Variants in FAAH2 observed in about 807,000 individuals in gnomAD.
FAAH2 encodes fatty acid amide hydrolase 2, also known as fatty-acid amide hydrolase 2.
In FAAH2, 60 loss-of-function variants were observed where a neutral mutation model predicts 36.9. The ratio of observed to expected loss-of-function variants is 1.63; its 90% CI spans 1.32 to 2.02. FAAH2 has a LOEUF of 2.02. FAAH2 is among the 30% of genes most tolerant of loss of function. The pLI is 0.00. For missense variants in FAAH2, 689 were observed against 397.5 expected, an observed-to-expected ratio of 1.73 and a Z score of -6.23; for synonymous variants, 214 against 143.8, an observed-to-expected ratio of 1.49 and a Z score of -3.49.
the FAAH2 span, among the ~76,000 whole-genome samples, chrX:57,250,378 G>A: frequency 0.37 from 40,305 of 110,345 alleles, 6,310 homozygotes; most frequent in Middle Eastern, 0.62. Context: ...ATTTAACCAA[G>A]GAGGTGAAAC....
intron 10 of FAAH2, among the ~76,000 whole-genome samples, chrX:57,457,343 A>T (rs2056879720): frequency 9.0e-6 from 1 of 111,497 alleles, no homozygotes; most frequent in African/African-American, 3.3e-5. Context: ...AGCCAACGTA[A>T]TACTGAATGA....
chrX:57,136,943 A>G, the FAAH2 span: 1 of 841,927 alleles, frequency 1.2e-6, no homozygotes, highest in Admixed American at 4.7e-5. Context: ...CTTGACCAGC[A>G]CCCACTACCC....
intron 3 of FAAH2, among the ~76,000 whole-genome samples, chrX:57,323,821 C>T (rs936818975): frequency 2.8e-5 from 3 of 108,981 alleles, no homozygotes; most frequent in Non-Finnish European, 5.7e-5. Context: ...GTTTCTTTTG[C>T]TGTGCAGAAG....
chrX:57,219,908 A>G, the FAAH2 span, among the ~76,000 whole-genome samples: 1 of 95,978 alleles, frequency 1.0e-5, no homozygotes, highest in African/African-American at 4.3e-5. Context: ...TCTGGCCACA[A>G]TATGAATTAA....
the FAAH2 span, chrX:57,137,343 G>A: frequency 6.6e-6 from 5 of 758,090 alleles, no homozygotes; most frequent in South Asian, 2.6e-4. Context: ...GAGCGGGGAG[G>A]GTAGGATCCA....
At chrX:57,259,959 A>G in the FAAH2 span, among the ~76,000 whole-genome samples, 3 of 111,851 alleles carry the variant, frequency 2.7e-5, no homozygotes, top group Non-Finnish European at 5.6e-5. Context: ...GAAATATCAC[A>G]CTTAAAATCT....
At chrX:57,211,612 G>A in the FAAH2 span, among the ~76,000 whole-genome samples, 3 of 111,752 alleles carry the variant, frequency 2.7e-5, no homozygotes, top group Non-Finnish European at 5.6e-5. Flanking sequence ...CCTACTGGCT[G>A]GGAGGTCAAC....
At chrX:57,259,881 A>G in the FAAH2 span, among the ~76,000 whole-genome samples, 1 of 111,947 alleles carries the variant, frequency 8.9e-6, no homozygotes, top group Non-Finnish European at 1.9e-5. Flanking sequence ...CTGTAGGACA[A>G]TCTTCCTTTC....
intron 7 of FAAH2, among the ~76,000 whole-genome samples, chrX:57,421,845 A>G (rs1013695706): frequency 8.9e-6 from 1 of 111,812 alleles, no homozygotes; most frequent in Non-Finnish European, 1.9e-5. Context: ...GAAATAAAGC[A>G]ATGTTTTCCC....
At chrX:57,215,315 A>G in the FAAH2 span, among the ~76,000 whole-genome samples, 1 of 111,524 alleles carries the variant, frequency 9.0e-6, no homozygotes, top group Non-Finnish European at 1.9e-5. Flanking sequence ...TTGAGAAACA[A>G]CAGATGCTGA....
At chrX:57,168,311 G>A in the FAAH2 span, among the ~76,000 whole-genome samples, 456 of 110,075 alleles carry the variant, frequency 4.1e-3, 4 homozygotes, top group Non-Finnish European at 6.6e-3. Context: ...TTGGCCACTA[G>A]TGTGCTCATC....
the FAAH2 span, among the ~76,000 whole-genome samples, chrX:57,254,209 A>G: frequency 7.1e-5 from 8 of 111,974 alleles, no homozygotes; most frequent in African/African-American, 2.3e-4. Context: ...GGATCAATTC[A>G]ACAAGAAGAG....
the FAAH2 span, among the ~76,000 whole-genome samples, chrX:57,150,015 C>A: frequency 1.8e-5 from 2 of 111,571 alleles, no homozygotes; most frequent in Non-Finnish European, 3.8e-5. Context: ...ATTTTGTTAT[C>A]TACACAGTAG....
chrX:57,272,468 G>A, the FAAH2 span, among the ~76,000 whole-genome samples: 1 of 111,609 alleles, frequency 9.0e-6, no homozygotes, highest in African/African-American at 3.3e-5. Flanking sequence ...ATTCACCAAG[G>A]TTGAAATGAA....
intron 8 of FAAH2, among the ~76,000 whole-genome samples, chrX:57,437,892 TATGTATACACATATATACATACGTAC>T (rs2056445435): frequency 9.7e-6 from 1 of 103,280 alleles, no homozygotes; most frequent in African/African-American, 3.4e-5. Flanking sequence ...TACATACGTA[TATGTATACACATATATACATACGTAC>T]ATGTATACAC....
At chrX:57,228,117 C>CT in the FAAH2 span, among the ~76,000 whole-genome samples, 1 of 112,248 alleles carries the variant, frequency 8.9e-6, no homozygotes, top group East Asian at 2.8e-4. Flanking sequence ...CCTGTGAAGT[C>CT]TGCAAACTGG....
intron 5 of FAAH2, among the ~76,000 whole-genome samples, chrX:57,358,445 A>G (rs2054212986): frequency 9.0e-6 from 1 of 111,649 alleles, no homozygotes; most frequent in Admixed American, 9.6e-5. Context: ...GTGGAATCAC[A>G]CAGTATTTGT....
chrX:57,142,815 A>G, the FAAH2 span, among the ~76,000 whole-genome samples: 4 of 111,714 alleles, frequency 3.6e-5, no homozygotes, highest in Admixed American at 9.5e-5. Context: ...ATTTACAATT[A>G]TTATATCCTC....
chrX:57,169,869 AAC>A, the FAAH2 span, among the ~76,000 whole-genome samples: 244 of 101,061 alleles, frequency 2.4e-3, 2 homozygotes, highest in East Asian at 0.038. Context: ...TCTCCTTCTA[AAC>A]ACACACACAC....
Sources: gnomAD v4.1 joint callset for allele counts (sites outside exome capture counted in the v4.1 genomes callset) on GRCh38, gnomAD v4.1.1 for gene constraint, MANE v1.5 for transcripts, NCBI Gene and HGNC (gene_info 2026-07-23, HGNC 2026-07-21) for gene names.